GRAMD1A: variants seen among roughly 807,000 people sequenced by gnomAD.
GRAMD1A encodes GRAM domain containing 1A, also known as protein Aster-A.
In GRAMD1A, 50 loss-of-function variants were observed where a neutral mutation model predicts 92.0. The ratio of observed to expected loss-of-function variants is 0.54; its 90% CI spans 0.43 to 0.69. The LOEUF is 0.69. Among genes scored for constraint, GRAMD1A ranks in the 30% least tolerant of loss-of-function variants. The pLI, the probability that GRAMD1A is intolerant of heterozygous loss-of-function variation, is 0.00. For synonymous variants in GRAMD1A, 405 were observed against 403.6 expected (o/e 1.00, Z -0.04); for missense variants, 819 against 978.9 (o/e 0.84, Z 2.18).
chr19:35,019,506 G>A lies in GRAMD1A; in HGVS notation c.1448G>A (p.Gly483Asp), dbSNP rs767192433. Residue 483 changes from glycine to aspartate, a missense_variant, in exon 13 of 20, where the codon GGT (glycine) becomes GAT (aspartate). Transcript: ENST00000317991. ...ACTGCCCACCGCTACTGCATCCTGGGTCTGGCCCGGAACAAGGCGCGGCTC... is the reference window on the plus strand; with the variant it reads ...ACTGCCCACCGCTACTGCATCCTGGATCTGGCCCGGAACAAGGCGCGGCTC... The part of the protein sequence containing the change: ...FYTAHRYCIL[G>D]LARNKARLRV... 3.7e-6 allele frequency: 6 copies of A among 1,614,072 alleles called. No individual in the cohort carries two copies. The highest frequency in any genetic ancestry group is 5.1e-6 in the Non-Finnish European group (6 of 1,179,972).
intron 11 of GRAMD1A, among the ~76,000 whole-genome samples, chr19:35,017,714 T>G (rs1436109599): frequency 6.6e-6 from 1 of 152,022 alleles, no homozygotes; most frequent in Non-Finnish European, 1.5e-5. Flanking sequence ...CCTCAGTTCC[T>G]CCTTCAGGCC....
intron 1 of GRAMD1A, among the ~76,000 whole-genome samples, chr19:35,007,356 A>C (rs1178057462): frequency 6.6e-6 from 1 of 152,026 alleles, no homozygotes; most frequent in Non-Finnish European, 1.5e-5. Context: ...GAAGGAGTTC[A>C]AGACCAGCCT....
chr19:35,009,281 C>T lies in GRAMD1A; in HGVS notation c.171C>T (p.Thr57=). ...SSSEKGGVPG[T]PSTQSLGSRN... ...CAGAGAAGGGTGGGGTGCCTGGGAC[C>T]CCCAGCACCCAGAGCCTAGGCAGCC... The change falls in exon 2 of 20, where the codon ACC becomes ACT. Residue 57 remains threonine (T), a synonymous_variant. Coordinates refer to ENST00000317991, the MANE Select transcript of GRAMD1A (RefSeq NM_020895.5). The T allele has an allele frequency of 1.9e-6, 3 of 1,614,066 alleles. No homozygotes were observed. Among genetic ancestry groups the T allele is most frequent in the East Asian group, 2.2e-5 (1 of 44,884 alleles).
In GRAMD1A at chr19:35,023,252, G is replaced by T; in HGVS notation, c.1870G>T (p.Ala624Ser). The change falls in exon 18 of 20, where the codon GCC becomes TCC. Residue 624 changes from alanine (A) to serine (S), a missense_variant. Around this residue, in one of 3 missense-constraint regions of GRAMD1A, gnomAD observed 577 missense variants for 674.6 expected, o/e 0.86. Coordinates refer to ENST00000317991, the MANE Select transcript of GRAMD1A (RefSeq NM_020895.5). The stretch of plus-strand genomic sequence containing the variant: ...TGTCCCCAGCCTTATCATCCTCATC[G>T]CCCTCAACGTCCTGCTCTTCTACCG... ...VICVSLIILIALNVLLFYRLW... is the reference protein window; with the variant it reads ...VICVSLIILISLNVLLFYRLW... 1 of 1,613,808 alleles carries T rather than the reference G, an allele frequency of 6.2e-7. No individual in the cohort carries two copies. The highest frequency in any genetic ancestry group is 8.5e-7 in the Non-Finnish European group (1 of 1,179,722).
At position 35,013,940 on chromosome 19, in the gene GRAMD1A, C is replaced by G. The variant is rs1220782981; in HGVS notation, c.870+249C>G. Among the ~76,000 whole-genome samples, 3 of 152,138 alleles carry G rather than the reference C, an allele frequency of 2.0e-5. No homozygotes were observed. In the East Asian group the frequency reaches 5.8e-4, roughly 29 times the overall value. On this transcript the variant is annotated intron_variant, in intron 9 of 19. Transcript: ENST00000317991. The surrounding 1 kb of genome is among the most constrained non-coding windows in gnomAD (Gnocchi z 4.9). The stretch of plus-strand genomic sequence containing the variant: ...ATGGGAGATGGGTGGATAGATGAAG[C>G]AGCAGACAGACAGACGGACAGGACA...
At chr19:35,017,613 C>T (rs2015736039) in intron 11 of GRAMD1A, among the ~76,000 whole-genome samples, 4 of 152,150 alleles carry the variant, frequency 2.6e-5, no homozygotes, top group African/African-American at 9.7e-5. Flanking sequence ...ATCCCAGCCT[C>T]AGGGGACTTC....
chr19:35,003,420 A>G (rs2014563841), intron 1 of GRAMD1A, among the ~76,000 whole-genome samples: 1 of 152,012 alleles, frequency 6.6e-6, no homozygotes, highest in African/African-American at 2.4e-5. Flanking sequence ...ACAGTCCCCC[A>G]GGCTCCTCCC....
chr19:34,995,570 G>GTTTTTCT (rs1173583059), upstream of GRAMD1A, among the ~76,000 whole-genome samples: 148 of 80,962 alleles, frequency 1.8e-3, 14 homozygotes, highest in East Asian at 3.5e-3. Context: ...TCAGATCACG[G>GTTTTTCT]GTTTTTTTTT....
At chr19:35,003,061 G>GGT (rs58809497) in intron 1 of GRAMD1A, among the ~76,000 whole-genome samples, 12,556 of 142,052 alleles carry the variant, frequency 0.088, 582 homozygotes, top group South Asian at 0.14. Flanking sequence ...CAATGCTGCA[G>GGT]GTGTGTGTGT....
upstream of GRAMD1A, chr19:34,996,308 GGGACA>G (rs1240206337): frequency 7.4e-6 from 11 of 1,490,796 alleles, no homozygotes; most frequent in Non-Finnish European, 9.8e-6. Flanking sequence ...CCTGGGCAGT[GGGACA>G]GGAAAGAGGG....
intron 6 of GRAMD1A, 199 bp downstream of exon 6, chr19:35,010,578 A>G: frequency 1.7e-6 from 1 of 603,444 alleles, no homozygotes; most frequent in South Asian, 1.9e-5. Context: ...GCAACCTGTT[A>G]CCTCACACAG....
At position 35,009,306 on chromosome 19, in the gene GRAMD1A, C is replaced by T. The variant is rs1006427325; in HGVS notation, c.196C>T (p.Arg66Trp). Residue 66 changes from arginine to tryptophan, a missense_variant, in exon 2 of 20, where the codon CGG becomes TGG. By Grantham distance (101) the Arg-to-Trp change is moderately radical. This residue lies in a region of GRAMD1A where 144 missense variants were observed against 220.3 expected (regional missense o/e 0.65). Coordinates refer to ENST00000317991, the MANE Select transcript of GRAMD1A (RefSeq NM_020895.5). ...CCCCAGCACCCAGAGCCTAGGCAGCCGGAACTTCATCCGCAACAGCAAGGT... is the reference window on the plus strand; with the variant it reads ...CCCCAGCACCCAGAGCCTAGGCAGCTGGAACTTCATCCGCAACAGCAAGGT... ...GTPSTQSLGS[R>W]NFIRNSKKMQ... The T allele has an allele frequency of 6.8e-6, 11 of 1,613,860 alleles. No homozygotes were observed. The highest frequency in any genetic ancestry group is 2.2e-5 in the South Asian group (2 of 91,078).
At chr19:34,996,215 T>A, upstream of GRAMD1A, 1 of 1,533,518 alleles carries the variant, frequency 6.5e-7, no homozygotes, top group Non-Finnish European at 8.7e-7. Flanking sequence ...TGATGGGGAG[T>A]CCCCCGCCTG....
chr19:35,022,089 G>T, intron 16 of GRAMD1A, 51 bp downstream of exon 16: 1 of 1,377,086 alleles, frequency 7.3e-7, no homozygotes, highest in Non-Finnish European at 1.0e-6. Flanking sequence ...CTGCCTCCTG[G>T]CTGTGTGACC....
At chr19:35,009,646 C>A in intron 3 of GRAMD1A, 1 of 656,196 alleles carries the variant, frequency 1.5e-6, no homozygotes, top group Non-Finnish European at 2.7e-6. Flanking sequence ...CCTTGAGAAA[C>A]AGCCCCACCT....
At chr19:34,995,875 GC>G (rs35422653), upstream of GRAMD1A, 4 of 648,222 alleles carry the variant, frequency 6.2e-6, no homozygotes, top group Non-Finnish European at 7.8e-6. Flanking sequence ...GAGCCACTGC[GC>G]CTGGTCCCCA....
At chr19:34,998,902 G>T (rs114172042), upstream of GRAMD1A, among the ~76,000 whole-genome samples, 1,314 of 151,158 alleles carry the variant, frequency 8.7e-3, 25 homozygotes, top group African/African-American at 0.03. Context: ...ACAGCGGGTA[G>T]GCTGGATGGG....
intron 11 of GRAMD1A, among the ~76,000 whole-genome samples, chr19:35,017,881 G>A (rs2015756513): frequency 6.6e-6 from 1 of 152,136 alleles, no homozygotes; most frequent in South Asian, 2.1e-4. Context: ...AGAGATTCTG[G>A]GTGCTAAGGA....
chr19:35,013,442 G>A lies in GRAMD1A; in HGVS notation c.719+74G>A. ...GGTCGGCGTGCAGAGTTCCTGGAGT[G>A]CTGGGGGGCCTGAGATGGTTGTATG... On this transcript the variant is annotated intron_variant, in intron 8 of 19. Coordinates refer to ENST00000317991, the MANE Select transcript of GRAMD1A (RefSeq NM_020895.5). This position sits in a 1 kb window ranked among gnomAD's most constrained non-coding sequence, Gnocchi z 4.9. 2 of 1,524,324 alleles carry A rather than the reference G, an allele frequency of 1.3e-6. No homozygotes were observed. The highest frequency in any genetic ancestry group is 9.1e-7 in the Non-Finnish European group (1 of 1,103,560). The allele number at this position is 1,524,324 out of a possible 1,614,324, so 94.4% of individuals were successfully genotyped here. A position where few individuals can be genotyped will look rare whatever the true frequency, so the allele number is the denominator to read the frequency against.
Sources: gnomAD v4.1 joint callset for allele counts (sites outside exome capture counted in the v4.1 genomes callset) on GRCh38, gnomAD v4.1.1 for gene constraint, gnomAD v4.1.1 regional missense constraint, Gnocchi (gnomAD v3.1) non-coding constraint, MANE v1.5 for transcripts, NCBI Gene and HGNC (gene_info 2026-07-23, HGNC 2026-07-21) for gene names.